The following ACSL4 variants were observed in gnomAD, a reference collection of about 807,000 sequenced individuals.
ACSL4 encodes long-chain-fatty-acid--CoA ligase 4.
In ACSL4, 9 loss-of-function variants were observed where a neutral mutation model predicts 49.1. That is an observed-to-expected ratio of 0.18 (90% CI 0.11 to 0.32). ACSL4 has a LOEUF of 0.32. ACSL4 is among the 10% of genes least tolerant of loss of function. The pLI is 1.00. For missense variants in ACSL4, 333 were observed against 493.7 expected, an observed-to-expected ratio of 0.67 and a Z score of 3.08; for synonymous variants, 191 against 170.3, an observed-to-expected ratio of 1.12 and a Z score of -0.95.
At position 109,671,398 on chromosome X, in the gene ACSL4, C is replaced by G. The variant is rs992970678; in HGVS notation, c.1003-2225G>C. ...GAGCCCCTCCGCCCGGCCAGCCGCC[C>G]CGCCCGGGAGCTGGGGGGCAGCCCC... On this transcript the variant is annotated intron_variant, in intron 9 of 15. Transcript: ENST00000672401. Among the ~76,000 whole-genome samples the G allele has an allele frequency of 2.7e-5, 3 of 111,479 alleles. No individual in the cohort carries two copies. The East Asian group carries it at 8.7e-4, about 32-fold the overall frequency.
At chrX:109,674,540 T>C in intron 8 of ACSL4, 67 bp from the exon 9 acceptor site, 1 of 771,658 alleles carries the variant, frequency 1.3e-6, no homozygotes, top group Non-Finnish European at 2.0e-6. Flanking sequence ...ATTCAAGTAT[T>C]AATAACAAAT....
intron 15 of ACSL4, among the ~76,000 whole-genome samples, chrX:109,644,666 A>AG (rs1934564609): frequency 8.9e-6 from 1 of 112,179 alleles, no homozygotes. Context: ...ACAAAAGAGA[A>AG]GGGGGAGGAG....
Position 109,714,333 on chromosome X carries a change from TA to T in ACSL4, c.-65-18138del, listed in dbSNP as rs756169740. Among the ~76,000 whole-genome samples the T allele has an allele frequency of 3.1e-3, 345 of 112,583 alleles. 2 individuals carry two copies. The highest frequency in any genetic ancestry group is 0.011 in the African/African-American group (331 of 31,073). On this transcript the variant is annotated intron_variant, in intron 1 of 15. Coordinates refer to ENST00000672401, the MANE Select transcript of ACSL4 (RefSeq NM_001318510.2). ...TGTGTTTGTTTTAAGCTAAATGTTA[TA>T]AAAGAATCAAAAAGTCAAAAAAATT...
chrX:109,686,043 T>C (rs1365482205), intron 2 of ACSL4, among the ~76,000 whole-genome samples: 1 of 111,769 alleles, frequency 8.9e-6, no homozygotes, highest in African/African-American at 3.3e-5. Context: ...TGGTCATTCA[T>C]TTCTTCAAGA....
chrX:109,726,289 G>A (rs1363089159), intron 1 of ACSL4, among the ~76,000 whole-genome samples: 1 of 111,587 alleles, frequency 9.0e-6, no homozygotes, highest in Non-Finnish European at 1.9e-5. Flanking sequence ...CAGGCATGGT[G>A]GTGGGCACCT....
chrX:109,709,295 G>T lies in ACSL4; in HGVS notation c.-65-13099C>A, dbSNP rs1350723251. ...GGGCCTGTGAAAGGAGGGGATTTCA[G>T]AAGTGAGCTTTCCATCAGTACTTTC... On this transcript the variant is annotated intron_variant, in intron 1 of 15. Transcript: ENST00000672401. Among the ~76,000 whole-genome samples the T allele has an allele frequency of 4.5e-5, 5 of 112,134 alleles. No homozygotes were observed. The East Asian group carries it at 1.4e-3, about 31-fold the overall frequency.
At chrX:109,721,210 GAGTTTTC>G (rs1927522215) in intron 1 of ACSL4, among the ~76,000 whole-genome samples, 2 of 111,831 alleles carry the variant, frequency 1.8e-5, no homozygotes, top group African/African-American at 6.5e-5. Flanking sequence ...CTGACTGAGG[GAGTTTTC>G]AGTTTTCAGT....
intron 2 of ACSL4, among the ~76,000 whole-genome samples, chrX:109,685,999 T>C (rs937768998): frequency 9.0e-6 from 1 of 111,427 alleles, no homozygotes; most frequent in Non-Finnish European, 1.9e-5. Context: ...CTTACCCTAC[T>C]TGGAAAGTAC....
rs755337739 is a variant in ACSL4, at chrX:109,683,109, TAAATG to T, written c.228+22_228+26del. On this transcript the variant is annotated intron_variant, in intron 3 of 15. Coordinates refer to ENST00000672401, the MANE Select transcript of ACSL4 (RefSeq NM_001318510.2). ...CAAATGTGTCTTCCTCTTTAAAACA[TAAATG>T]AAAAGCACCAAAATACTTTACCTTC... 19 of 1,187,239 alleles carry T rather than the reference TAAATG, an allele frequency of 1.6e-5. No homozygotes were observed. The South Asian group carries it at 3.0e-4, about 19-fold the overall frequency.
In ACSL4 at chrX:109,730,413, T is replaced by C. The variant is rs376416567; in HGVS notation, c.-66+2726A>G. ...AGTCTACAGGCTACAATTAATAGAATCATCTCTTCCTCCCCTATGGAAACT... is the reference window on the plus strand; with the variant it reads ...AGTCTACAGGCTACAATTAATAGAACCATCTCTTCCTCCCCTATGGAAACT... On this transcript the variant is annotated intron_variant, in intron 1 of 15. Coordinates refer to ENST00000672401, the MANE Select transcript of ACSL4 (RefSeq NM_001318510.2). 3.6e-5 allele frequency among the ~76,000 whole-genome samples: 4 copies of C among 112,152 alleles called. No homozygotes were observed. The Admixed American group carries it at 3.8e-4, about 11-fold the overall frequency.
At chrX:109,649,742 C>A (rs1311800571) in intron 15 of ACSL4, among the ~76,000 whole-genome samples, 2 of 109,028 alleles carry the variant, frequency 1.8e-5, no homozygotes, top group Admixed American at 9.8e-5. Flanking sequence ...AACAGGCAAC[C>A]TACAAAATGG....
chrX:109,644,113 C>T lies in ACSL4; in HGVS notation c.1929G>A (p.Leu643=), dbSNP rs376192104. Residue 643 remains leucine, a synonymous_variant, in exon 16 of 16, where the codon TTG becomes TTA. Transcript: ENST00000672401. The stretch of plus-strand genomic sequence containing the variant: ...TTTTCAGTTTGAAAGCATCAGTTAC[C>T]AAACCAGTTTCAGGGGTCCATGGCT... ...SPEPWTPETG[L]VTDAFKLKRK... is the part of the protein sequence containing the mutation. 3 of 1,208,166 alleles carry T rather than the reference C, an allele frequency of 2.5e-6. No homozygotes were observed. The African/African-American group carries it at 5.3e-5, about 21-fold the overall frequency.
chrX:109,668,995 T>G, intron 10 of ACSL4, 39 bp downstream of exon 10: 2 of 1,157,992 alleles, frequency 1.7e-6, no homozygotes, highest in Non-Finnish European at 2.3e-6. Flanking sequence ...ATAAAAAAAT[T>G]TAAAGGCTCA....
chrX:109,717,853 ATT>A (rs35928030), intron 1 of ACSL4, among the ~76,000 whole-genome samples: 8 of 107,172 alleles, frequency 7.5e-5, no homozygotes, highest in South Asian at 8.1e-4. Flanking sequence ...TACACCTTTA[ATT>A]TTTTTTTTTA....
chrX:109,672,907 A>G (rs1027219777), intron 9 of ACSL4, among the ~76,000 whole-genome samples: 7 of 110,752 alleles, frequency 6.3e-5, no homozygotes, highest in Non-Finnish European at 1.1e-4. Flanking sequence ...AGCAAAGGTA[A>G]TAAGTGTGCA....
intron 1 of ACSL4, among the ~76,000 whole-genome samples, chrX:109,726,890 T>C (rs1406764483): frequency 9.8e-6 from 1 of 101,705 alleles, no homozygotes; most frequent in Non-Finnish European, 2.0e-5. Flanking sequence ...GTTTTTTTTG[T>C]TTTTTTTTTA....
intron 1 of ACSL4, among the ~76,000 whole-genome samples, chrX:109,723,906 G>A (rs1026130270): frequency 8.9e-6 from 1 of 111,925 alleles, no homozygotes; most frequent in African/African-American, 3.2e-5. Context: ...GGTGAAAAAC[G>A]GTTTACATTT....
intron 2 of ACSL4, chrX:109,692,244 TATGTTAA>T (rs1325644711): frequency 2.7e-5 from 3 of 111,777 alleles, no homozygotes; most frequent in Non-Finnish European, 5.6e-5. Context: ...CCTATCTATG[TATGTTAA>T]AATGAGGAGC....
At position 109,678,158 on chromosome X, in the gene ACSL4, T is replaced by C. The variant is rs771961787; in HGVS notation, c.807-47A>G. The stretch of plus-strand genomic sequence containing the variant: ...ATTTTAACCATTCTTGAAAAGGCAT[T>C]TGAAGTTAGAAATACCAAGAGCTTT... On this transcript the variant is annotated intron_variant, in intron 7 of 15. Transcript: ENST00000672401. 4 of 1,207,178 alleles carry C rather than the reference T, an allele frequency of 3.3e-6. No individual in the cohort carries two copies. In the African/African-American group the frequency reaches 6.9e-5, roughly 21 times the overall value.
Sources: gnomAD v4.1 joint callset for allele counts (sites outside exome capture counted in the v4.1 genomes callset) on GRCh38, gnomAD v4.1.1 for gene constraint, MANE v1.5 for transcripts, NCBI Gene and HGNC (gene_info 2026-07-23, HGNC 2026-07-21) for gene names.